The following SLC6A9 variants were observed in gnomAD, a reference collection of about 807,000 sequenced individuals.
The protein encoded by SLC6A9 is solute carrier family 6 member 9, also known as sodium- and chloride-dependent glycine transporter 1.
In SLC6A9, 31 loss-of-function variants were observed where a neutral mutation model predicts 70.9. The observed-to-expected ratio is 0.44, with a 90% CI of 0.33 to 0.59. The LOEUF (loss-of-function observed/expected upper bound fraction) is 0.59. SLC6A9 is among the 20% of genes least tolerant of loss of function. The pLI, the probability that SLC6A9 is intolerant of heterozygous loss-of-function variation, is 0.04. For missense variants in SLC6A9, 631 were observed against 845.2 expected, an observed-to-expected ratio of 0.75 and a Z score of 3.14; for synonymous variants, 310 against 341.3, an observed-to-expected ratio of 0.91 and a Z score of 1.01.
At chr1:44,011,735 G>C in intron 2 of SLC6A9, 1 of 1,613,550 alleles carries the variant, frequency 6.2e-7, no homozygotes, top group Middle Eastern at 1.7e-4. Context: ...GCAGGGGAGG[G>C]GGCCGAAGGT....
intron 2 of SLC6A9, among the ~76,000 whole-genome samples, chr1:44,012,778 C>T (rs1233208993): frequency 1.3e-5 from 2 of 152,210 alleles, no homozygotes; most frequent in African/African-American, 2.4e-5. Context: ...GAAGGTCTCC[C>T]TGATGAAGAG....
chr1:44,022,245 T>TC (rs1445367885), intron 2 of SLC6A9, among the ~76,000 whole-genome samples: 1 of 152,012 alleles, frequency 6.6e-6, no homozygotes, highest in Non-Finnish European at 1.5e-5. Context: ...CTGCCTGCCC[T>TC]CCTCCCAGTC....
intron 5 of SLC6A9, among the ~76,000 whole-genome samples, chr1:44,005,123 G>C (rs2086262325): frequency 6.6e-6 from 1 of 152,220 alleles, no homozygotes. Context: ...CAAGGCCACA[G>C]CTAATATGCG....
chr1:44,000,608 G>A (rs2086054551), intron 12 of SLC6A9, among the ~76,000 whole-genome samples, 159 bp downstream of exon 12: 2 of 152,228 alleles, frequency 1.3e-5, no homozygotes, highest in African/African-American at 4.8e-5. Flanking sequence ...ACGCCTCTCT[G>A]ACTCTCTCCA....
chr1:44,004,323 C>A (rs2086235472), intron 5 of SLC6A9, among the ~76,000 whole-genome samples: 1 of 150,434 alleles, frequency 6.6e-6, no homozygotes, highest in Non-Finnish European at 1.5e-5. Context: ...CTTTGTCTAA[C>A]CATATATGCT....
At chr1:44,012,909 A>G (rs2086621690) in intron 2 of SLC6A9, among the ~76,000 whole-genome samples, 1 of 152,206 alleles carries the variant, frequency 6.6e-6, no homozygotes, top group Non-Finnish European at 1.5e-5. Context: ...TCACTGGGGC[A>G]GGTGTGGCAA....
In SLC6A9 at chr1:43,997,516, G is replaced by A. The variant is rs185364345; in HGVS notation, c.*29C>T. The A allele has an allele frequency of 5.5e-3, 8,758 of 1,596,628 alleles. 28 individuals are homozygous for A. Among genetic ancestry groups the A allele is most frequent in the Non-Finnish European group, 6.5e-3 (7,605 of 1,166,410 alleles). On this transcript the variant is annotated 3_prime_UTR_variant, in exon 14 of 14. Coordinates refer to ENST00000372310, the MANE Select transcript of SLC6A9 (RefSeq NM_001024845.3). The surrounding 1 kb of genome is among the most constrained non-coding windows in gnomAD (Gnocchi z 4.4). ...TCTCTGCGGTGGGAGCACGGGGTGG[G>A]GGTGGGGCCACTCCCCTGGCAGCTG... is the stretch of plus-strand genomic sequence containing the variant.
chr1:44,016,351 C>G (rs1402076932), intron 2 of SLC6A9: 5 of 152,484 alleles, frequency 3.3e-5, no homozygotes, highest in African/African-American at 1.2e-4. Context: ...CTGTTCCTCC[C>G]AGACCCATCC....
chr1:44,011,805 C>T, intron 2 of SLC6A9: 1 of 1,401,166 alleles, frequency 7.1e-7, no homozygotes, highest in South Asian at 1.3e-5. Context: ...CAGGACTGAG[C>T]TGGTGGCCTG....
chr1:44,003,243 C>A (rs993885371), intron 5 of SLC6A9, among the ~76,000 whole-genome samples: 2 of 152,270 alleles, frequency 1.3e-5, no homozygotes, highest in African/African-American at 4.8e-5. Flanking sequence ...GGAGGCCACA[C>A]CCCAGGCTTG....
At chr1:44,025,044 A>G (rs1287517843) in intron 1 of SLC6A9, among the ~76,000 whole-genome samples, 2 of 152,130 alleles carry the variant, frequency 1.3e-5, no homozygotes, top group Admixed American at 6.5e-5. Flanking sequence ...TTTTGTGCAA[A>G]TCTCTACGAG....
At chr1:44,027,169 C>T (rs2086997110) in intron 1 of SLC6A9, among the ~76,000 whole-genome samples, 1 of 152,086 alleles carries the variant, frequency 6.6e-6, no homozygotes, top group African/African-American at 2.4e-5. Flanking sequence ...CACTTGTGGG[C>T]CACTGTTGAC....
chr1:44,001,096 G>A lies in SLC6A9; in HGVS notation c.1336-41C>T, dbSNP rs202028169. ...CAGCTGTGGGAGGCGCCTGCAGCCC[G>A]GGCTCCCCAACCCTTCCCTGCACGT... On this transcript the variant is annotated intron_variant, in intron 10 of 13. Coordinates refer to ENST00000372310, the MANE Select transcript of SLC6A9 (RefSeq NM_001024845.3). The A allele has an allele frequency of 2.0e-5, 32 of 1,606,916 alleles. No individual in the cohort carries two copies. In the East Asian group the frequency reaches 2.0e-4, roughly 10 times the overall value.
chr1:44,016,947 C>T (rs2086765168), intron 2 of SLC6A9: 1 of 1,261,498 alleles, frequency 7.9e-7, no homozygotes, highest in Non-Finnish European at 1.1e-6. Context: ...GCCTGCCCCT[C>T]CCTGGCACAG....
Position 44,001,443 on chromosome 1 carries a change from G to T in SLC6A9, c.1147C>A (p.Leu383Met), listed in dbSNP as rs759342055. 14 of 1,614,044 alleles carry T rather than the reference G, an allele frequency of 8.7e-6. No homozygotes were observed. The highest frequency in any genetic ancestry group is 4.0e-5 in the African/African-American group (3 of 74,944). Residue 383 changes from leucine (L) to methionine (M), a missense_variant, in exon 9 of 14, where the codon CTG becomes ATG. By Grantham distance (15) the Leu-to-Met change is conservative. Transcript: ENST00000372310. ...ATGAAGAAGAAGAGCAGAGACCACA[G>T]CGGGGAGATGGGAAGTAGTGTGAGG... ...EALTLLPISP[L>M]WSLLFFFMLI... is the part of the protein sequence containing the mutation.
At chr1:44,006,459 G>T (rs979812951) in intron 5 of SLC6A9, among the ~76,000 whole-genome samples, 33 of 151,718 alleles carry the variant, frequency 2.2e-4, no homozygotes, top group Admixed American at 1.6e-3. Flanking sequence ...GTGGTGGCGG[G>T]TGCTTGTAAT....
rs200389569 is a variant in SLC6A9 at position 44,001,351 on chromosome 1, C to T, written c.1200+39G>A. 4 of 1,613,276 alleles carry T rather than the reference C, an allele frequency of 2.5e-6. No individual in the cohort carries two copies. The African/African-American group carries it at 5.3e-5, about 22-fold the overall frequency. On this transcript the variant is annotated intron_variant, in intron 9 of 13. Coordinates refer to ENST00000372310, the MANE Select transcript of SLC6A9 (RefSeq NM_001024845.3). ...ACCTGCCCCTTGTTCCTGTCCCCTC[C>T]CTTCCCCAAGCCTCCGGTCCACGTC...
Position 44,001,699 on chromosome 1 carries a change from A to G in SLC6A9, c.963-72T>C, listed in dbSNP as rs149241321. 5.6e-5 allele frequency: 68 copies of G among 1,219,366 alleles called. 1 individual carries two copies. In the Admixed American group the frequency reaches 1.3e-3, roughly 23 times the overall value. The allele number at this position is 1,219,366 out of a possible 1,614,324, so 75.5% of individuals were successfully genotyped here. On this transcript the variant is annotated intron_variant, in intron 8 of 13. Coordinates refer to ENST00000372310, the MANE Select transcript of SLC6A9 (RefSeq NM_001024845.3). ...GCCAAGAGGAGACATGGAGACACGG[A>G]AAGTTCTAGGTACAAAGGCACCCCC... is the stretch of plus-strand genomic sequence containing the variant.
Position 43,997,282 on chromosome 1 carries a change from C to G in SLC6A9, c.*263G>C. 2.0e-6 allele frequency: 1 copy of G among 504,220 alleles called. No homozygotes were observed. The allele number at this position is 504,220 out of a possible 1,614,324, so 31.2% of individuals were successfully genotyped here. On this transcript the variant is annotated 3_prime_UTR_variant, in exon 14 of 14. Coordinates refer to ENST00000372310, the MANE Select transcript of SLC6A9 (RefSeq NM_001024845.3). The surrounding 1 kb of genome is among the most constrained non-coding windows in gnomAD (Gnocchi z 4.4). Reference sequence around the variant, plus strand: ...CATCCAGGCTGCTGGGGACCTGGCCCGAGACCCCTCCAAAGTGCTTTGGAC... The same window carrying G: ...CATCCAGGCTGCTGGGGACCTGGCCGGAGACCCCTCCAAAGTGCTTTGGAC...
Sources: allele counts gnomAD v4.1 joint callset (sites outside exome capture counted in the v4.1 genomes callset), GRCh38; gene constraint gnomAD v4.1.1; non-coding constraint Gnocchi (gnomAD v3.1); transcripts MANE v1.5; gene names NCBI Gene and HGNC (gene_info 2026-07-23, HGNC 2026-07-21).